The following PNPLA1 variants were observed in gnomAD, a reference collection of about 807,000 sequenced individuals.
PNPLA1 encodes the protein omega-hydroxyceramide transacylase.
A neutral mutation model predicts 51.7 loss-of-function variants in PNPLA1; 36 were observed. That is an observed-to-expected ratio of 0.70 (90% CI 0.53 to 0.92). The LOEUF (loss-of-function observed/expected upper bound fraction) is 0.92. PNPLA1 is among the 40% of genes least tolerant of loss of function. The pLI, the probability that PNPLA1 is intolerant of heterozygous loss-of-function variation, is 0.00. For synonymous variants in PNPLA1, 293 were observed against 280.1 expected (o/e 1.05, Z -0.46); for missense variants, 658 against 682.5 (o/e 0.96, Z 0.40).
intron 8 of PNPLA1, among the ~76,000 whole-genome samples, chr6:36,309,106 G>C (rs1331189428): frequency 6.6e-6 from 1 of 152,198 alleles, no homozygotes; most frequent in Non-Finnish European, 1.5e-5. Flanking sequence ...AGACAGACAA[G>C]GGTCAGAGGC....
At chr6:36,299,751 G>A (rs1770974127) in intron 5 of PNPLA1, among the ~76,000 whole-genome samples, 1 of 152,170 alleles carries the variant, frequency 6.6e-6, no homozygotes, top group South Asian at 2.1e-4. Flanking sequence ...ATGACTTTGA[G>A]CATCTTTTCA....
In PNPLA1 at chr6:36,295,390, G is replaced by A; in HGVS notation, c.741G>A (p.Gly247=). The A allele has an allele frequency of 6.2e-7, 1 of 1,614,200 alleles. No individual in the cohort carries two copies. The highest frequency in any genetic ancestry group is 8.5e-7 in the Non-Finnish European group (1 of 1,180,032). The change falls in exon 5 of 9, where the codon GGG becomes GGA. Residue 247 remains glycine (G), a synonymous_variant. Coordinates refer to ENST00000636260, the MANE Select transcript of PNPLA1 (RefSeq NM_001374623.1). ...TCCTGCACGATTACTACTACCGAGG[G>A]TACGAGGATGCAGTTTTGTACTTGA... ...LVILHDYYYR[G]YEDAVLYLRR...
At chr6:36,277,623 G>A (rs1396015525) in intron 1 of PNPLA1, among the ~76,000 whole-genome samples, 1 of 152,214 alleles carries the variant, frequency 6.6e-6, no homozygotes, top group Non-Finnish European at 1.5e-5. Flanking sequence ...CAGAATTATG[G>A]GACGCTGAGG....
intron 2 of PNPLA1, among the ~76,000 whole-genome samples, chr6:36,292,135 A>G (rs1054154293): frequency 1.6e-4 from 24 of 152,166 alleles, no homozygotes; most frequent in Non-Finnish European, 2.9e-4. Context: ...GTCTTTCGGG[A>G]CAAAGGGGTT....
At position 36,313,780 on chromosome 6, in the gene PNPLA1, G is replaced by C. The variant is rs940988387; in HGVS notation, c.*1894G>C. ...AGAAGCCTGAGGCCTGGGAAACTAG[G>C]GGGAGGAGAGTGTCCTCTCTTGCAC... On this transcript the variant is annotated 3_prime_UTR_variant, in exon 9 of 9. Transcript: ENST00000636260. Among the ~76,000 whole-genome samples the C allele has an allele frequency of 2.6e-5, 4 of 152,184 alleles. No individual in the cohort carries two copies. Among genetic ancestry groups the C allele is most frequent in the African/African-American group, 2.4e-5 (1 of 41,450 alleles).
In PNPLA1 at chr6:36,294,216, C is replaced by T; in HGVS notation, c.531C>T (p.Gly177=). 6.2e-7 allele frequency: 1 copy of T among 1,614,200 alleles called. No homozygotes were observed. ...GVRYIDGGFT[G]MQPCAFWTDA... ...GGTACATCGATGGGGGCTTCACGGGCATGCAGCCCTGTGCCTTCTGGACCG... is the reference window on the plus strand; with the variant it reads ...GGTACATCGATGGGGGCTTCACGGGTATGCAGCCCTGTGCCTTCTGGACCG... The change falls in exon 4 of 9, where the codon GGC becomes GGT. Residue 177 remains glycine, a synonymous_variant. Coordinates refer to ENST00000636260, the MANE Select transcript of PNPLA1 (RefSeq NM_001374623.1). This position sits in a 1 kb window ranked among gnomAD's most constrained non-coding sequence, Gnocchi z 4.2.
chr6:36,285,247 T>TTCCC lies in PNPLA1; in HGVS notation c.206-6073_206-6072insTCCC, dbSNP rs1319228703. 1.4e-4 allele frequency among the ~76,000 whole-genome samples: 22 copies of TTCCC among 152,340 alleles called. No homozygotes were observed. In the East Asian group the frequency reaches 3.3e-3, roughly 23 times the overall value. ...TCGTCGGCGCCTCCCCAGGGGCTGC[T>TTCCC]GCGCCCCCTGCTTCCCGCGCGCCCA... On this transcript the variant is annotated intron_variant, in intron 1 of 8. Coordinates refer to ENST00000636260, the MANE Select transcript of PNPLA1 (RefSeq NM_001374623.1).
intron 5 of PNPLA1, among the ~76,000 whole-genome samples, chr6:36,301,527 C>T (rs779008968): frequency 2.0e-5 from 3 of 152,144 alleles, no homozygotes; most frequent in Non-Finnish European, 2.9e-5. Flanking sequence ...ACCACCCCGC[C>T]CTGACCATCC....
At chr6:36,300,172 T>TGAGAGA (rs1561869592) in intron 5 of PNPLA1, among the ~76,000 whole-genome samples, 3 of 71,808 alleles carry the variant, frequency 4.2e-5, no homozygotes, top group African/African-American at 1.3e-4. Context: ...TGTGTGTGTG[T>TGAGAGA]GTGTGTGAGA....
chr6:36,267,702 A>G (rs1481893198), upstream of PNPLA1, among the ~76,000 whole-genome samples: 1 of 151,314 alleles, frequency 6.6e-6, no homozygotes, highest in Admixed American at 6.6e-5. Context: ...CCTCAACATG[A>G]CCCCACACCC....
chr6:36,294,318 C>A lies in PNPLA1; in HGVS notation c.633C>A (p.Phe211Leu). Residue 211 changes from phenylalanine (F) to leucine (L), a missense_variant, in exon 4 of 9, where the codon TTC becomes TTA. Transcript: ENST00000636260. This position sits in a 1 kb window ranked among gnomAD's most constrained non-coding sequence, Gnocchi z 4.2. ...ACTGCCCGGCCATCTTCCACGACTTCCGCATGTTCAACTGCTCCTTCCAGT... is the reference window on the plus strand; with the variant it reads ...ACTGCCCGGCCATCTTCCACGACTTACGCATGTTCAACTGCTCCTTCCAGT... ...PRDCPAIFHD[F>L]RMFNCSFQFS... 6.2e-7 allele frequency: 1 copy of A among 1,614,230 alleles called. No individual in the cohort carries two copies. Among genetic ancestry groups the A allele is most frequent in the South Asian group, 1.1e-5 (1 of 91,088 alleles).
chr6:36,303,080 G>A (rs906474356), intron 6 of PNPLA1, among the ~76,000 whole-genome samples: 2 of 152,070 alleles, frequency 1.3e-5, no homozygotes, highest in Admixed American at 1.3e-4. Flanking sequence ...AAAATTACTA[G>A]TTTGTTATAG....
At chr6:36,245,653 A>T (rs933044440) in intron 1 of PNPLA1, among the ~76,000 whole-genome samples, 1 of 152,222 alleles carries the variant, frequency 6.6e-6, no homozygotes, top group African/African-American at 2.4e-5. Context: ...TACTCAGCAC[A>T]GGGGAGCTGC....
At chr6:36,251,690 C>A (rs1215704655) in intron 1 of PNPLA1, among the ~76,000 whole-genome samples, 3 of 152,098 alleles carry the variant, frequency 2.0e-5, no homozygotes, top group Non-Finnish European at 4.4e-5. Flanking sequence ...TAAATCCCAG[C>A]ATCTTGGGAG....
intron 6 of PNPLA1, 88 bp from the exon 7 acceptor site, chr6:36,306,204 T>C: frequency 1.0e-6 from 1 of 964,614 alleles, no homozygotes; most frequent in Non-Finnish European, 1.6e-6. Flanking sequence ...TTTTTAAACA[T>C]TCTCATTTAC....
intron 1 of PNPLA1, among the ~76,000 whole-genome samples, chr6:36,262,292 C>T (rs1242789064): frequency 6.6e-6 from 1 of 151,986 alleles, no homozygotes; most frequent in Non-Finnish European, 1.5e-5. Context: ...CACTCTCCCA[C>T]TCTGCCCTGA....
chr6:36,309,049 T>C (rs1419391038), intron 8 of PNPLA1, among the ~76,000 whole-genome samples: 1 of 152,164 alleles, frequency 6.6e-6, no homozygotes, highest in Non-Finnish European at 1.5e-5. Context: ...TCCTTCCTGG[T>C]TGTTCTTGTC....
chr6:36,269,315 G>T (rs1309723998), upstream of PNPLA1, among the ~76,000 whole-genome samples: 7 of 152,090 alleles, frequency 4.6e-5, no homozygotes, highest in Non-Finnish European at 1.0e-4. Flanking sequence ...CATTTTGTGG[G>T]TGTGAGAACC....
chr6:36,251,386 G>A (rs1183721670), intron 1 of PNPLA1, among the ~76,000 whole-genome samples: 1 of 152,104 alleles, frequency 6.6e-6, no homozygotes, highest in African/African-American at 2.4e-5. Context: ...TGTTGAGTGT[G>A]GTAACTGTTA....
Sources: allele counts gnomAD v4.1 joint callset (sites outside exome capture counted in the v4.1 genomes callset), GRCh38; gene constraint gnomAD v4.1.1; non-coding constraint Gnocchi (gnomAD v3.1); transcripts MANE v1.5; gene names NCBI Gene and HGNC (gene_info 2026-07-23, HGNC 2026-07-21).